PRCP: variants seen among roughly 807,000 people sequenced by gnomAD.
PRCP encodes the protein lysosomal Pro-X carboxypeptidase.
PRCP carries 46 observed loss-of-function variants against 54.2 expected under a neutral mutation model. The ratio of observed to expected loss-of-function variants is 0.85; its 90% confidence interval spans 0.67 to 1.09. PRCP has a LOEUF of 1.09. Among genes scored for constraint, PRCP ranks in the 50% least tolerant of loss-of-function variants. The pLI is 0.00. For missense variants in PRCP, 613 were observed against 596.8 expected, an observed-to-expected ratio of 1.03 and a Z score of -0.28; for synonymous variants, 240 against 212.2, an observed-to-expected ratio of 1.13 and a Z score of -1.14.
chr11:82,898,444 A>G (rs772956563), intron 1 of PRCP, among the ~76,000 whole-genome samples: 3 of 152,162 alleles, frequency 2.0e-5, no homozygotes, highest in African/African-American at 4.8e-5. Context: ...TTTTTCATCA[A>G]TCCCAATGGG....
chr11:82,849,120 C>T lies in PRCP; in HGVS notation c.850G>A (p.Val284Met), dbSNP rs373494621. The T allele has an allele frequency of 1.9e-6, 3 of 1,614,110 alleles. No homozygotes were observed. Among genetic ancestry groups the T allele is most frequent in the Non-Finnish European group, 1.7e-6 (2 of 1,179,988 alleles). ...GGATAGTCCACCATTGCCAGATTCA[C>T]CCAGGTTTCAGAGATCCAGTCTTTC... ...HLKDWISETW[V>M]NLAMVDYPYA... Residue 284 changes from valine to methionine, a missense_variant, in exon 6 of 9, where the codon GTG becomes ATG. Physicochemically the swap from Val to Met is conservative, Grantham distance 21. Transcript: ENST00000313010.
chr11:82,852,492 A>G (rs1858980910), intron 3 of PRCP, among the ~76,000 whole-genome samples: 2 of 152,228 alleles, frequency 1.3e-5, no homozygotes, highest in South Asian at 4.1e-4. Context: ...AATAACCAGT[A>G]CACAGAGCCC....
chr11:82,832,125 TA>T (rs1858401433), intron 8 of PRCP, among the ~76,000 whole-genome samples: 1 of 152,110 alleles, frequency 6.6e-6, no homozygotes, highest in Non-Finnish European at 1.5e-5. Context: ...CATTGATGGG[TA>T]TTTGGGTTAG....
At chr11:82,874,145 G>A (rs145673493) in intron 1 of PRCP, among the ~76,000 whole-genome samples, 1 of 152,334 alleles carries the variant, frequency 6.6e-6, no homozygotes, top group African/African-American at 2.4e-5. Flanking sequence ...AAGTTCAAAT[G>A]TAACCAAGTG....
chr11:82,857,780 T>C (rs1859125347), intron 2 of PRCP, among the ~76,000 whole-genome samples: 1 of 152,132 alleles, frequency 6.6e-6, no homozygotes, highest in Admixed American at 6.5e-5. Flanking sequence ...TTTGTGATGG[T>C]TTCAATAACC....
intron 1 of PRCP, among the ~76,000 whole-genome samples, chr11:82,874,621 T>A (rs1859557114): frequency 6.8e-6 from 1 of 147,324 alleles, no homozygotes; most frequent in East Asian, 2.0e-4. Flanking sequence ...AGCCCAGGAG[T>A]TCAAGGCTGC....
intron 2 of PRCP, among the ~76,000 whole-genome samples, chr11:82,853,995 G>T (rs1213844724): frequency 6.6e-6 from 1 of 152,086 alleles, no homozygotes; most frequent in Non-Finnish European, 1.5e-5. Context: ...GGTATTGAAG[G>T]AACATACCGC....
chr11:82,881,348 G>A (rs745438651), intron 1 of PRCP, among the ~76,000 whole-genome samples: 17 of 152,160 alleles, frequency 1.1e-4, no homozygotes, highest in Non-Finnish European at 1.8e-4. Context: ...ACAACCACCC[G>A]TTCAACGTCA....
At chr11:82,883,162 T>C (rs1859791283) in intron 1 of PRCP, among the ~76,000 whole-genome samples, 1 of 152,122 alleles carries the variant, frequency 6.6e-6, no homozygotes, top group African/African-American at 2.4e-5. Flanking sequence ...GATACCAACA[T>C]ATAAATAAAT....
At chr11:82,831,698 C>T (rs1435067419) in intron 8 of PRCP, among the ~76,000 whole-genome samples, 2 of 152,072 alleles carry the variant, frequency 1.3e-5, no homozygotes, top group South Asian at 2.1e-4. Flanking sequence ...AAGATACTTT[C>T]CACAGGGCTC....
At chr11:82,866,331 C>A (rs894779818) in intron 1 of PRCP, among the ~76,000 whole-genome samples, 3 of 152,152 alleles carry the variant, frequency 2.0e-5, no homozygotes, top group African/African-American at 7.2e-5. Flanking sequence ...CATTGCCAAC[C>A]TTAGAGGGTC....
At chr11:82,894,817 A>G (rs944129228) in intron 1 of PRCP, among the ~76,000 whole-genome samples, 2 of 152,246 alleles carry the variant, frequency 1.3e-5, no homozygotes, top group African/African-American at 4.8e-5. Context: ...ATTGTTATCA[A>G]GAGAAGAAGG....
intron 1 of PRCP, among the ~76,000 whole-genome samples, chr11:82,884,183 G>A (rs567313502): frequency 9.2e-5 from 14 of 152,358 alleles, no homozygotes; most frequent in Non-Finnish European, 1.8e-4. Flanking sequence ...TTGGGTTGTA[G>A]TTCCTGGTTT....
chr11:82,825,052 T>C lies in PRCP; in HGVS notation c.1345A>G (p.Thr449Ala), dbSNP rs745550857. The C allele has an allele frequency of 1.2e-5, 19 of 1,613,972 alleles. No homozygotes were observed. In the African/African-American group the frequency reaches 1.5e-4, roughly 12 times the overall value. ...AAGTGGTGGGCCCCCTCTGAGATGG[T>C]GACTGCAACCAGAGTGTCTGTGATA... ...KDITDTLVAV[T>A]ISEGAHHLDL... Residue 449 changes from threonine (T) to alanine (A), a missense_variant, in exon 9 of 9, where the codon ACC (threonine) becomes GCC (alanine). Thr to Ala is a moderately conservative substitution (Grantham distance 58). Coordinates refer to ENST00000313010, the MANE Select transcript of PRCP (RefSeq NM_005040.4).
intron 6 of PRCP, among the ~76,000 whole-genome samples, chr11:82,841,393 T>C (rs1258082599): frequency 6.6e-6 from 1 of 151,998 alleles, no homozygotes; most frequent in Admixed American, 6.6e-5. Flanking sequence ...TGTGGAAAAA[T>C]GTTTCCTAGC....
At chr11:82,825,342 T>C in intron 8 of PRCP, 1 of 527,380 alleles carries the variant, frequency 1.9e-6, no homozygotes, top group Middle Eastern at 5.4e-4. Flanking sequence ...CAGAGATAAT[T>C]GAAGGAGGCG....
intron 1 of PRCP, among the ~76,000 whole-genome samples, chr11:82,894,006 T>C (rs1860061352): frequency 6.6e-6 from 1 of 152,216 alleles, no homozygotes. Flanking sequence ...TTTACTTTCA[T>C]CTCTTACTCC....
At chr11:82,869,528 A>G (rs1407917720) in intron 1 of PRCP, among the ~76,000 whole-genome samples, 1 of 152,198 alleles carries the variant, frequency 6.6e-6, no homozygotes, top group Non-Finnish European at 1.5e-5. Context: ...CTGAAATCCA[A>G]GATTGTTTCT....
intron 6 of PRCP, among the ~76,000 whole-genome samples, chr11:82,844,352 G>A (rs1858749851): frequency 6.6e-6 from 1 of 152,134 alleles, no homozygotes; most frequent in African/African-American, 2.4e-5. Context: ...GAGCCCAGGA[G>A]TTCAAGGCTG....
Sources: allele counts gnomAD v4.1 joint callset (sites outside exome capture counted in the v4.1 genomes callset), GRCh38; gene constraint gnomAD v4.1.1; transcripts MANE v1.5; gene names NCBI Gene and HGNC (gene_info 2026-07-23, HGNC 2026-07-21).